Variants in SNAP91 observed in about 807,000 individuals in gnomAD.
The protein encoded by SNAP91 is clathrin coat assembly protein AP180.
SNAP91 carries 27 observed loss-of-function variants against 100.3 expected under a neutral mutation model. The observed-to-expected ratio is 0.27, with a 90% confidence interval of 0.20 to 0.37. The LOEUF (loss-of-function observed/expected upper bound fraction) is 0.37. Among genes scored for constraint, SNAP91 ranks in the 10% least tolerant of loss-of-function variants. The pLI is 1.00. For synonymous variants in SNAP91, 404 were observed against 398.6 expected (o/e 1.01, Z -0.16); for missense variants, 986 against 1,123.7 (o/e 0.88, Z 1.75).
intron 10 of SNAP91, 69 bp downstream of exon 10, chr6:83,616,900 T>C: frequency 9.4e-7 from 1 of 1,065,022 alleles, no homozygotes. Context: ...TGTACCATGA[T>C]AAATCTCATT....
intron 11 of SNAP91, among the ~76,000 whole-genome samples, chr6:83,611,083 A>T (rs1256289627): frequency 1.3e-5 from 2 of 152,100 alleles, no homozygotes; most frequent in African/African-American, 4.8e-5. Flanking sequence ...TTGCAGAATT[A>T]TGACAAACCC....
At chr6:83,592,415 A>T in intron 21 of SNAP91, 40 bp downstream of exon 21, 1 of 1,349,684 alleles carries the variant, frequency 7.4e-7, no homozygotes, top group Non-Finnish European at 1.0e-6. Flanking sequence ...TTCTGAAGAA[A>T]AAAAGATTCC....
intron 29 of SNAP91, among the ~76,000 whole-genome samples, chr6:83,554,942 C>T (rs923649773): frequency 2.0e-5 from 3 of 152,186 alleles, no homozygotes; most frequent in Non-Finnish European, 4.4e-5. Flanking sequence ...TTCTCTTTGT[C>T]TGTCTCTGTC....
chr6:83,620,705 G>T (rs941727531), intron 9 of SNAP91, among the ~76,000 whole-genome samples: 1 of 146,510 alleles, frequency 6.8e-6, no homozygotes, highest in African/African-American at 2.5e-5. Flanking sequence ...CTATGAACAG[G>T]TTTTTTTTTT....
intron 2 of SNAP91, among the ~76,000 whole-genome samples, chr6:83,696,432 T>TA (rs1204445681): frequency 6.6e-5 from 10 of 152,184 alleles, no homozygotes; most frequent in African/African-American, 2.4e-4. Context: ...CACTCATCTA[T>TA]AAAAATGAAA....
chr6:83,552,945 T>G lies in SNAP91; in HGVS notation c.*1351A>C, dbSNP rs537794520. 4.6e-5 allele frequency: 7 copies of G among 152,744 alleles called. No individual in the cohort carries two copies. In the East Asian group the frequency reaches 1.4e-3, roughly 29 times the overall value. 9.5% of individuals were successfully genotyped at this position (152,744 alleles called of 1,614,324 possible). On this transcript the variant is annotated 3_prime_UTR_variant, in exon 30 of 30. Coordinates refer to ENST00000369694, the MANE Select transcript of SNAP91 (RefSeq NM_001242792.2). ...CAGAGGGCGTACATGCACTGGGTTT[T>G]TAAACTGAAATACAAAGAAAGCCAT...
intron 8 of SNAP91, among the ~76,000 whole-genome samples, chr6:83,633,976 A>G (rs1391716348): frequency 6.6e-6 from 1 of 152,060 alleles, no homozygotes; most frequent in African/African-American, 2.4e-5. Flanking sequence ...GCGGAGGGAT[A>G]CCACTAGGAG....
chr6:83,555,421 G>A (rs1776417079), intron 29 of SNAP91, among the ~76,000 whole-genome samples: 1 of 152,144 alleles, frequency 6.6e-6, no homozygotes. Flanking sequence ...TTTTAGCTGT[G>A]AAATGGAGAC....
intron 24 of SNAP91, among the ~76,000 whole-genome samples, chr6:83,578,584 T>G (rs1173285417): frequency 6.6e-6 from 1 of 152,198 alleles, no homozygotes; most frequent in Non-Finnish European, 1.5e-5. Context: ...TTGCATTATT[T>G]GTGTTTTCAT....
At chr6:83,686,048 C>T in intron 2 of SNAP91, 1 of 458,320 alleles carries the variant, frequency 2.2e-6, no homozygotes. Context: ...ATTAAGGTAC[C>T]CCAAGCGTCT....
At chr6:83,665,376 T>G in intron 3 of SNAP91, 63 bp downstream of exon 3, 1 of 1,502,912 alleles carries the variant, frequency 6.7e-7, no homozygotes, top group Non-Finnish European at 9.1e-7. Context: ...CCTTAAATCA[T>G]CACCATGCTC....
intron 26 of SNAP91, among the ~76,000 whole-genome samples, chr6:83,562,523 C>A (rs1789553604): frequency 6.6e-6 from 1 of 152,166 alleles, no homozygotes; most frequent in South Asian, 2.1e-4. Flanking sequence ...GGCTTAGTCA[C>A]TCTTGATACA....
chr6:83,596,432 G>T (rs536589529), intron 16 of SNAP91, among the ~76,000 whole-genome samples: 176 of 152,142 alleles, frequency 1.2e-3, no homozygotes, highest in Non-Finnish European at 2.2e-3. Flanking sequence ...TAAATATTTT[G>T]CCATGAGTCA....
At chr6:83,652,137 T>G (rs2098234649) in intron 7 of SNAP91, among the ~76,000 whole-genome samples, 1 of 152,096 alleles carries the variant, frequency 6.6e-6, no homozygotes, top group Non-Finnish European at 1.5e-5. Context: ...TTGGGTCTTG[T>G]TTTTAGATCT....
At chr6:83,662,078 C>T (rs186418408) in intron 4 of SNAP91, among the ~76,000 whole-genome samples, 2 of 152,152 alleles carry the variant, frequency 1.3e-5, no homozygotes, top group Non-Finnish European at 2.9e-5. Context: ...TTCATTGTCT[C>T]CTGTACCTTC....
At chr6:83,644,074 A>T (rs2097822265) in intron 7 of SNAP91, among the ~76,000 whole-genome samples, 1 of 152,198 alleles carries the variant, frequency 6.6e-6, no homozygotes, top group Admixed American at 6.5e-5. Context: ...CTTCTTTCAA[A>T]TATCCAAATT....
intron 8 of SNAP91, among the ~76,000 whole-genome samples, chr6:83,629,299 G>A (rs1439910684): frequency 1.3e-5 from 2 of 152,082 alleles, no homozygotes; most frequent in African/African-American, 4.8e-5. Context: ...GTAATGTGAT[G>A]CCTCCAGATT....
intron 22 of SNAP91, among the ~76,000 whole-genome samples, chr6:83,585,543 AAAAG>A (rs2092364247): frequency 6.6e-6 from 1 of 150,508 alleles, no homozygotes; most frequent in Non-Finnish European, 1.5e-5. Flanking sequence ...AAAAAAAAAA[AAAAG>A]AAAGGTGCTC....
intron 8 of SNAP91, among the ~76,000 whole-genome samples, chr6:83,632,618 A>G (rs1185464715): frequency 6.6e-6 from 1 of 152,126 alleles, no homozygotes; most frequent in African/African-American, 2.4e-5. Flanking sequence ...GATTGGGTTA[A>G]TTTGAAGACC....
Sources: gnomAD v4.1 joint callset for allele counts (sites outside exome capture counted in the v4.1 genomes callset) on GRCh38, gnomAD v4.1.1 for gene constraint, MANE v1.5 for transcripts, NCBI Gene and HGNC (gene_info 2026-07-23, HGNC 2026-07-21) for gene names.